Variants in CNKSR2 observed in about 807,000 individuals in gnomAD.
CNKSR2 encodes CNK homolog protein 2.
In CNKSR2, 14 loss-of-function variants were observed where a neutral mutation model predicts 84.4. That is an observed-to-expected ratio of 0.17 (90% CI 0.11 to 0.26). The LOEUF (loss-of-function observed/expected upper bound fraction) is 0.26. Ranked by LOEUF, CNKSR2 falls within the 10% of genes least tolerant of loss-of-function variation. CNKSR2 has a pLI of 1.00. For synonymous variants in CNKSR2, 275 were observed against 277.9 expected, an observed-to-expected ratio of 0.99 and a Z score of 0.10; for missense variants, 485 against 771.2, an observed-to-expected ratio of 0.63 and a Z score of 4.40.
At chrX:21,502,462 T>C (rs1462228338) in intron 8 of CNKSR2, among the ~76,000 whole-genome samples, 1 of 109,842 alleles carries the variant, frequency 9.1e-6, no homozygotes, top group East Asian at 2.9e-4. Flanking sequence ...TTTATTAGTA[T>C]TCTGCTCCTC....
At chrX:21,580,999 G>T (rs2092349655) in intron 13 of CNKSR2, among the ~76,000 whole-genome samples, 1 of 111,647 alleles carries the variant, frequency 9.0e-6, no homozygotes, top group South Asian at 3.7e-4. Flanking sequence ...TATGTTAATT[G>T]TACACATCAA....
At chrX:21,528,648 T>C (rs1158093739) in intron 10 of CNKSR2, among the ~76,000 whole-genome samples, 5 of 111,260 alleles carry the variant, frequency 4.5e-5, no homozygotes, top group Non-Finnish European at 1.9e-5. Flanking sequence ...AATGTGAAAT[T>C]GAAATATCAA....
chrX:21,419,422 A>T (rs998062369), intron 1 of CNKSR2, among the ~76,000 whole-genome samples: 2 of 110,310 alleles, frequency 1.8e-5, no homozygotes, highest in African/African-American at 6.6e-5. Flanking sequence ...CGTTCATTTG[A>T]TGAGGTTATG....
chrX:21,406,622 G>T (rs1322002105), intron 1 of CNKSR2, among the ~76,000 whole-genome samples: 1 of 111,331 alleles, frequency 9.0e-6, no homozygotes, highest in Non-Finnish European at 1.9e-5. Flanking sequence ...AAGCTTCTGA[G>T]AATAAAGAAA....
chrX:21,430,803 G>A (rs2090624894), intron 2 of CNKSR2, among the ~76,000 whole-genome samples: 1 of 111,566 alleles, frequency 9.0e-6, no homozygotes, highest in Non-Finnish European at 1.9e-5. Flanking sequence ...CTTTCATACT[G>A]TAGTGACCGG....
rs1167917769 is a variant in CNKSR2, at chrX:21,561,456, G to T, written c.1304-15G>T. ...AGAAAAACAATGTGATGTGAACTTT[G>T]TTCTCTGTGTTTAGGCAAGCTACGA... On this transcript the variant is annotated splice_polypyrimidine_tract_variant and intron_variant, in intron 11 of 21. Transcript: ENST00000379510. 1 of 1,169,323 alleles carries T rather than the reference G, an allele frequency of 8.6e-7. No homozygotes were observed. The highest frequency in any genetic ancestry group is 2.2e-5 in the Admixed American group (1 of 45,390).
At chrX:21,448,080 A>G (rs775022855) in intron 4 of CNKSR2, among the ~76,000 whole-genome samples, 4 of 111,718 alleles carry the variant, frequency 3.6e-5, no homozygotes, top group Non-Finnish European at 5.7e-5. Context: ...GAAACACTGG[A>G]CCATGTTTCC....
intron 6 of CNKSR2, chrX:21,495,390 G>A (rs1288125331): frequency 8.9e-6 from 1 of 111,856 alleles, no homozygotes; most frequent in Non-Finnish European, 1.9e-5. Context: ...TAATGGTGGT[G>A]ATAGATAATG....
At chrX:21,568,235 C>G (rs1312571309) in intron 13 of CNKSR2, among the ~76,000 whole-genome samples, 1 of 111,548 alleles carries the variant, frequency 9.0e-6, no homozygotes, top group Non-Finnish European at 1.9e-5. Flanking sequence ...CTACAGTGAG[C>G]CATGTTTGCA....
chrX:21,394,922 C>A (rs1439290923), intron 1 of CNKSR2, among the ~76,000 whole-genome samples: 1 of 111,252 alleles, frequency 9.0e-6, no homozygotes, highest in Non-Finnish European at 1.9e-5. Context: ...AACAAATGAA[C>A]CAATTCGTTT....
chrX:21,457,560 A>G (rs1024078545), intron 4 of CNKSR2, among the ~76,000 whole-genome samples: 1 of 112,007 alleles, frequency 8.9e-6, no homozygotes, highest in Non-Finnish European at 1.9e-5. Flanking sequence ...ACATCATTGT[A>G]TGATACATCA....
rs182671585 is a variant in CNKSR2, at chrX:21,396,442, A to T, written c.64+21481A>T. On this transcript the variant is annotated intron_variant, in intron 1 of 21. Transcript: ENST00000379510. ...GTGAATGCATCAAACAGATTTTTTT[A>T]ATGCATGGAGTACAAGTACAACCTT... Among the ~76,000 whole-genome samples the T allele has an allele frequency of 9.4e-3, 1,046 of 111,177 alleles. 11 individuals are homozygous for T. The highest frequency in any genetic ancestry group is 0.031 in the African/African-American group (959 of 30,682).
At chrX:21,435,867 T>C (rs2090697450) in intron 3 of CNKSR2, among the ~76,000 whole-genome samples, 1 of 111,716 alleles carries the variant, frequency 9.0e-6, no homozygotes, top group Non-Finnish European at 1.9e-5. Flanking sequence ...TCTGAGAGTT[T>C]ATAAAATACC....
At chrX:21,458,803 A>G (rs1306690403) in intron 4 of CNKSR2, among the ~76,000 whole-genome samples, 4 of 109,342 alleles carry the variant, frequency 3.7e-5, no homozygotes, top group East Asian at 2.9e-4. Context: ...ATTCCCCTCT[A>G]TGTGTCCATG....
chrX:21,436,949 T>G (rs1242405412), intron 3 of CNKSR2, among the ~76,000 whole-genome samples: 1 of 111,942 alleles, frequency 8.9e-6, no homozygotes, highest in African/African-American at 3.2e-5. Flanking sequence ...TACAGTTGTA[T>G]ATGATTTGCC....
intron 11 of CNKSR2, among the ~76,000 whole-genome samples, chrX:21,548,774 A>G (rs768048062): frequency 8.9e-6 from 1 of 112,070 alleles, no homozygotes; most frequent in Non-Finnish European, 1.9e-5. Flanking sequence ...AACATACCCA[A>G]ATCAATAAAC....
At chrX:21,450,947 G>A (rs1175974599) in intron 4 of CNKSR2, among the ~76,000 whole-genome samples, 1 of 112,112 alleles carries the variant, frequency 8.9e-6, no homozygotes, top group African/African-American at 3.2e-5. Context: ...CATACAAAAT[G>A]TTTTAAAAAC....
At chrX:21,509,526 T>C (rs779677383) in intron 8 of CNKSR2, among the ~76,000 whole-genome samples, 18 of 111,985 alleles carry the variant, frequency 1.6e-4, no homozygotes, top group African/African-American at 5.5e-4. Context: ...GAATTACCTA[T>C]TTAAGTTACT....
At chrX:21,396,104 T>C (rs1444786233) in intron 1 of CNKSR2, among the ~76,000 whole-genome samples, 1 of 111,317 alleles carries the variant, frequency 9.0e-6, no homozygotes, top group Non-Finnish European at 1.9e-5. Context: ...TTAGCAAGCA[T>C]ATCATTGAGC....
Sources: gnomAD v4.1 joint callset for allele counts (sites outside exome capture counted in the v4.1 genomes callset) on GRCh38, gnomAD v4.1.1 for gene constraint, MANE v1.5 for transcripts, NCBI Gene and HGNC (gene_info 2026-07-23, HGNC 2026-07-21) for gene names.